Variants in CUBN observed in about 807,000 individuals in gnomAD.
The protein encoded by CUBN is 460 kDa receptor.
Under a neutral mutation model 405.3 loss-of-function variants are expected in CUBN, and 282 were observed. The ratio of observed to expected loss-of-function variants is 0.70; its 90% CI spans 0.63 to 0.77. CUBN has a LOEUF of 0.77. Among genes scored for constraint, CUBN ranks in the 30% least tolerant of loss-of-function variants. CUBN has a pLI of 0.00. For synonymous variants in CUBN, 1,684 were observed against 1,617.0 expected (o/e 1.04, Z -0.99); for missense variants, 4,514 against 4,475.2 (o/e 1.01, Z -0.25).
At chr10:17,100,886 C>T (rs151024653) in intron 13 of CUBN, among the ~76,000 whole-genome samples, 20 of 152,192 alleles carry the variant, frequency 1.3e-4, no homozygotes, top group Middle Eastern at 3.4e-3. Flanking sequence ...ACAAGAATAA[C>T]AGGAAAAATA....
intron 17 of CUBN, among the ~76,000 whole-genome samples, chr10:17,077,000 G>C (rs1835868321): frequency 6.6e-6 from 1 of 152,184 alleles, no homozygotes; most frequent in South Asian, 2.1e-4. Flanking sequence ...ACCAATATCT[G>C]AGTCTGGTTT....
In CUBN at chr10:16,877,109, A is replaced by AT; in HGVS notation, c.8906-13dup. The stretch of plus-strand genomic sequence containing the variant: ...CACAGCGGAACGAGCTGGAAAAGGC[A>AT]TGGAACAACCGCATTATGATCAGAA... On this transcript the variant is annotated splice_polypyrimidine_tract_variant and intron_variant, in intron 56 of 66. Coordinates refer to ENST00000377833, the MANE Select transcript of CUBN (RefSeq NM_001081.4). 4.3e-6 allele frequency: 7 copies of AT among 1,610,544 alleles called. 1 individual carries two copies. Among genetic ancestry groups the AT allele is most frequent in the Non-Finnish European group, 5.9e-6 (7 of 1,178,064 alleles).
intron 38 of CUBN, 119 bp downstream of exon 38, chr10:16,938,843 GA>G: frequency 1.8e-5 from 16 of 866,358 alleles, no homozygotes; most frequent in Non-Finnish European, 2.7e-5. Context: ...CTCTAAACAT[GA>G]TTTAGAGCAG....
Position 17,047,610 on chromosome 10 carries a change from A to G in CUBN, c.3140-7T>C, listed in dbSNP as rs763959584. ...GTGTAGTCTTGCAAACATGCTGTGA[A>G]CAGAAACAGACCATAAGAGAGAAAA... On this transcript the variant is annotated splice_polypyrimidine_tract_variant and splice_region_variant and intron_variant, in intron 22 of 66. Transcript: ENST00000377833. 8.7e-6 allele frequency: 14 copies of G among 1,611,760 alleles called. No individual in the cohort carries two copies. In the East Asian group the frequency reaches 2.5e-4, roughly 28 times the overall value.
In CUBN at chr10:17,129,134, T is replaced by C. The variant is rs1837263630; in HGVS notation, c.239A>G (p.Glu80Gly). Residue 80 changes from glutamate (E) to glycine (G), a missense_variant, in exon 2 of 67, where the codon GAG (glutamate) becomes GGG (glycine). By Grantham distance (98) the Glu-to-Gly change is moderately conservative. Around this residue, in one of 5 missense-constraint regions of CUBN, gnomAD observed 1,448 missense variants for 1,388.0 expected, o/e 1.04. Coordinates refer to ENST00000377833, the MANE Select transcript of CUBN (RefSeq NM_001081.4). ...CCAGTGTATTACCTGATGTAAACAC[T>C]CACTGAGATCTTCATCATTTAATTT... is the stretch of plus-strand genomic sequence containing the variant. ...KIKLNDEDLS[E>G]CLHQIQKNKE... 1.2e-6 allele frequency: 2 copies of C among 1,612,148 alleles called. No individual in the cohort carries two copies. The highest frequency in any genetic ancestry group is 1.7e-6 in the Non-Finnish European group (2 of 1,178,280).
At position 16,879,779 on chromosome 10, in the gene CUBN, T is replaced by C. The variant is rs551678491; in HGVS notation, c.8906-2682A>G. 2.6e-5 allele frequency among the ~76,000 whole-genome samples: 4 copies of C among 152,332 alleles called. No individual in the cohort carries two copies. In the East Asian group the frequency reaches 5.8e-4, roughly 22 times the overall value. ...CCGAGAGATTTGTGGCATTTGCCAA[T>C]TTCCATCGTATAAATACTCCCACGA... is the stretch of plus-strand genomic sequence containing the variant. On this transcript the variant is annotated intron_variant, in intron 56 of 66. Transcript: ENST00000377833.
At chr10:16,829,397 T>C (rs1279530545) in intron 65 of CUBN, among the ~76,000 whole-genome samples, 3 of 151,300 alleles carry the variant, frequency 2.0e-5, no homozygotes, top group African/African-American at 2.4e-5. Flanking sequence ...AATCAAGTTG[T>C]TGTCTGTGTG....
chr10:16,977,520 C>A (rs772152700), intron 31 of CUBN, among the ~76,000 whole-genome samples: 2 of 152,182 alleles, frequency 1.3e-5, no homozygotes, highest in African/African-American at 2.4e-5. Flanking sequence ...CTTTCCACCC[C>A]CTTTCCAGCT....
At chr10:16,963,627 T>A (rs543602457) in intron 31 of CUBN, among the ~76,000 whole-genome samples, 8 of 152,288 alleles carry the variant, frequency 5.3e-5, no homozygotes, top group South Asian at 2.1e-4. Flanking sequence ...AAAAAGTTGC[T>A]AAGGAAAAAT....
At chr10:16,901,566 T>G (rs1162917264) in intron 51 of CUBN, 107 bp from the exon 52 acceptor site, 1 of 1,446,080 alleles carries the variant, frequency 6.9e-7, no homozygotes, top group Non-Finnish European at 9.5e-7. Context: ...ATTAAAAACA[T>G]AGTAAGGCCA....
At chr10:16,884,852 G>C (rs1464367011) in intron 56 of CUBN, among the ~76,000 whole-genome samples, 1 of 152,180 alleles carries the variant, frequency 6.6e-6, no homozygotes, top group African/African-American at 2.4e-5. Context: ...GGTCCACCAA[G>C]ATGACAGATC....
chr10:16,902,853 G>A (rs1320847496), intron 51 of CUBN, among the ~76,000 whole-genome samples: 3 of 152,120 alleles, frequency 2.0e-5, no homozygotes, highest in East Asian at 3.9e-4. Flanking sequence ...TGGGTAGGAG[G>A]AGAAGATAGG....
chr10:16,919,234 A>T (rs528607854), intron 44 of CUBN, among the ~76,000 whole-genome samples: 1 of 152,228 alleles, frequency 6.6e-6, no homozygotes, highest in Admixed American at 6.5e-5. Context: ...TTCTGTGTCC[A>T]TAAAAGTAGA....
chr10:16,884,189 A>T (rs2131389230), intron 56 of CUBN, among the ~76,000 whole-genome samples: 1 of 152,206 alleles, frequency 6.6e-6, no homozygotes, highest in Admixed American at 6.5e-5. Flanking sequence ...TCACCGTGTT[A>T]GCCAGGATGT....
chr10:16,923,061 C>T (rs1376321044), intron 43 of CUBN, among the ~76,000 whole-genome samples: 3 of 152,008 alleles, frequency 2.0e-5, no homozygotes, highest in African/African-American at 7.2e-5. Context: ...TGGTCTCAAA[C>T]TCCTAAGCTC....
intron 59 of CUBN, among the ~76,000 whole-genome samples, chr10:16,864,430 C>T (rs954512987): frequency 1.6e-4 from 25 of 151,804 alleles, no homozygotes; most frequent in African/African-American, 6.0e-4. Flanking sequence ...ATATTACTTT[C>T]TAATACATAG....
chr10:16,981,776 T>C (rs1833282716), intron 31 of CUBN, among the ~76,000 whole-genome samples: 1 of 152,094 alleles, frequency 6.6e-6, no homozygotes, highest in Non-Finnish European at 1.5e-5. Flanking sequence ...AGCCACCCCC[T>C]TCGCAAGTCC....
chr10:16,843,272 T>G (rs1183911076), intron 60 of CUBN, among the ~76,000 whole-genome samples: 1 of 152,222 alleles, frequency 6.6e-6, no homozygotes, highest in Non-Finnish European at 1.5e-5. Context: ...CTGAGTAATC[T>G]CCATTGTACT....
chr10:16,947,111 G>C, intron 36 of CUBN, 124 bp downstream of exon 36: 2 of 1,039,994 alleles, frequency 1.9e-6, no homozygotes, highest in Non-Finnish European at 3.0e-6. Context: ...CTGAAACAGA[G>C]GAAATTTGGA....
Sources: gnomAD v4.1 joint callset for allele counts (sites outside exome capture counted in the v4.1 genomes callset) on GRCh38, gnomAD v4.1.1 for gene constraint, gnomAD v4.1.1 regional missense constraint, MANE v1.5 for transcripts, NCBI Gene and HGNC (gene_info 2026-07-23, HGNC 2026-07-21) for gene names.